Variants in IQCJ observed in about 807,000 individuals in gnomAD.
The protein encoded by IQCJ is IQ motif containing J.
IQCJ carries 9 observed loss-of-function variants against 11.0 expected under a neutral mutation model. The observed-to-expected ratio is 0.82, with a 90% CI of 0.49 to 1.43. The LOEUF is 1.43. Ranked by LOEUF, IQCJ falls within the 40% of genes most tolerant of loss-of-function variation. The pLI is 0.00. For synonymous variants in IQCJ, 55 were observed against 51.3 expected (o/e 1.07, Z -0.31); for missense variants, 146 against 133.2 (o/e 1.10, Z -0.47).
chr3:159,153,541 C>T (rs184667543), intron 1 of IQCJ, among the ~76,000 whole-genome samples: 39 of 152,286 alleles, frequency 2.6e-4, no homozygotes, highest in Admixed American at 1.3e-3. Context: ...ATTAGAGATA[C>T]GGCAATGACC....
intron 1 of IQCJ, among the ~76,000 whole-genome samples, chr3:159,084,947 AG>A (rs1716608777): frequency 1.3e-5 from 2 of 151,302 alleles, no homozygotes; most frequent in African/African-American, 2.4e-5. Context: ...TTTAAGTTTT[AG>A]GGTATATGTG....
At chr3:159,101,151 C>T (rs1717872672) in intron 1 of IQCJ, among the ~76,000 whole-genome samples, 2 of 145,498 alleles carry the variant, frequency 1.4e-5, no homozygotes, top group South Asian at 2.3e-4. Flanking sequence ...TCCGTCACCC[C>T]TTTCTTTGAC....
chr3:159,235,845 A>G (rs974557715), intron 1 of IQCJ, among the ~76,000 whole-genome samples: 2 of 152,168 alleles, frequency 1.3e-5, no homozygotes, highest in African/African-American at 4.8e-5. Context: ...TATCACAACA[A>G]TTTTCAATTT....
At chr3:159,251,811 A>G (rs1727619122) in intron 2 of IQCJ, among the ~76,000 whole-genome samples, 1 of 152,156 alleles carries the variant, frequency 6.6e-6, no homozygotes, top group South Asian at 2.1e-4. Context: ...CCTGTACAGT[A>G]AATTTAACAT....
chr3:159,142,817 A>G (rs1044475155), intron 1 of IQCJ, among the ~76,000 whole-genome samples: 1 of 152,154 alleles, frequency 6.6e-6, no homozygotes, highest in Non-Finnish European at 1.5e-5. Flanking sequence ...CATCCCACTG[A>G]GTCTTTTTAT....
At chr3:159,198,789 T>C (rs997080155) in intron 1 of IQCJ, among the ~76,000 whole-genome samples, 1 of 152,196 alleles carries the variant, frequency 6.6e-6, no homozygotes, top group Admixed American at 6.5e-5. Context: ...AACTGGGGGC[T>C]TCACTGGGCT....
chr3:159,198,843 T>C (rs866178954), intron 1 of IQCJ, among the ~76,000 whole-genome samples: 13 of 152,324 alleles, frequency 8.5e-5, no homozygotes, highest in South Asian at 4.1e-4. Flanking sequence ...AAAGAGAGAC[T>C]GAAGAATACA....
chr3:159,163,576 G>T (rs1461953441), intron 1 of IQCJ, among the ~76,000 whole-genome samples: 1 of 152,136 alleles, frequency 6.6e-6, no homozygotes, highest in Non-Finnish European at 1.5e-5. Context: ...TGTTGGCCAG[G>T]CTGGTCTTGA....
chr3:159,120,198 G>C (rs539221440), intron 1 of IQCJ, among the ~76,000 whole-genome samples: 29 of 152,308 alleles, frequency 1.9e-4, no homozygotes, highest in African/African-American at 6.7e-4. Flanking sequence ...GCACTTTGGA[G>C]AGGGTCCTAG....
intron 1 of IQCJ, among the ~76,000 whole-genome samples, chr3:159,189,663 G>A (rs866622507): frequency 9.8e-5 from 15 of 152,296 alleles, no homozygotes; most frequent in African/African-American, 3.6e-4. Flanking sequence ...AAGAACATTG[G>A]TGTTTAGTCT....
chr3:159,144,353 T>A (rs1446581555), intron 1 of IQCJ, among the ~76,000 whole-genome samples: 1 of 152,194 alleles, frequency 6.6e-6, no homozygotes, highest in Non-Finnish European at 1.5e-5. Context: ...GACTTGAAGG[T>A]TGTGTGTGTT....
chr3:159,231,287 A>C (rs1419143117), intron 1 of IQCJ, among the ~76,000 whole-genome samples: 4 of 152,222 alleles, frequency 2.6e-5, no homozygotes, highest in Non-Finnish European at 4.4e-5. Flanking sequence ...GAGACATTTC[A>C]AGAGGAGATG....
chr3:159,117,622 C>G (rs975151647), intron 1 of IQCJ, among the ~76,000 whole-genome samples: 3 of 152,148 alleles, frequency 2.0e-5, no homozygotes, highest in Non-Finnish European at 4.4e-5. Context: ...GGTTCTGGTT[C>G]TGGTTCTGGA....
chr3:159,234,939 A>G (rs1202097628), intron 1 of IQCJ, among the ~76,000 whole-genome samples: 1 of 152,224 alleles, frequency 6.6e-6, no homozygotes, highest in Non-Finnish European at 1.5e-5. Flanking sequence ...AACAAAATGC[A>G]TTCCAGAATC....
intron 1 of IQCJ, among the ~76,000 whole-genome samples, chr3:159,154,345 G>C (rs1226524141): frequency 1.3e-5 from 2 of 152,118 alleles, no homozygotes; most frequent in East Asian, 1.9e-4. Context: ...CACAATGAGA[G>C]GCCTTGATTT....
intron 1 of IQCJ, among the ~76,000 whole-genome samples, chr3:159,082,799 A>G (rs1716411382): frequency 6.6e-6 from 1 of 152,088 alleles, no homozygotes; most frequent in Admixed American, 6.6e-5. Flanking sequence ...GGACAGATAG[A>G]GACAACCAGA....
intron 1 of IQCJ, among the ~76,000 whole-genome samples, chr3:159,135,097 T>C (rs1356903187): frequency 6.6e-6 from 1 of 152,214 alleles, no homozygotes; most frequent in East Asian, 1.9e-4. Context: ...GTTGGACTCA[T>C]GTGCTTGTTC....
chr3:159,164,459 C>G (rs769942303), intron 1 of IQCJ, among the ~76,000 whole-genome samples: 1 of 152,100 alleles, frequency 6.6e-6, no homozygotes, highest in Non-Finnish European at 1.5e-5. Context: ...TTGTGTAAGC[C>G]TACTATAATT....
At chr3:159,218,657 A>G (rs1429683701) in intron 1 of IQCJ, among the ~76,000 whole-genome samples, 1 of 152,174 alleles carries the variant, frequency 6.6e-6, no homozygotes, top group East Asian at 1.9e-4. Flanking sequence ...TGTTTATATT[A>G]TCAGTGACGG....
Sources: allele counts gnomAD v4.1 joint callset (sites outside exome capture counted in the v4.1 genomes callset), GRCh38; gene constraint gnomAD v4.1.1; transcripts MANE v1.5; gene names NCBI Gene and HGNC (gene_info 2026-07-23, HGNC 2026-07-21).